The following NAA20 variants were observed in gnomAD, a reference collection of about 807,000 sequenced individuals.
NAA20 encodes the protein N-alpha-acetyltransferase 20, NatB catalytic subunit.
Under a neutral mutation model 23.8 loss-of-function variants are expected in NAA20, and 24 were observed. The ratio of observed to expected loss-of-function variants is 1.01; its 90% confidence interval spans 0.73 to 1.42. The LOEUF (loss-of-function observed/expected upper bound fraction) is 1.42, where lower values mean the gene tolerates loss of function less well. Ranked by LOEUF, NAA20 falls within the 40% of genes most tolerant of loss-of-function variation. The pLI is 0.00. For synonymous variants in NAA20, 83 were observed against 77.7 expected (o/e 1.07, Z -0.36); for missense variants, 166 against 223.1 (o/e 0.74, Z 1.63).
intron 1 of NAA20, chr20:20,018,484 G>C (rs1601122067): frequency 5.6e-6 from 1 of 177,462 alleles, no homozygotes; most frequent in East Asian, 1.4e-4. Flanking sequence ...ACATTTCAAA[G>C]AGGGGGTGAG....
At chr20:20,022,744 G>A in intron 2 of NAA20, 1 of 372,742 alleles carries the variant, frequency 2.7e-6, no homozygotes, top group Non-Finnish European at 4.8e-6. Context: ...TCAGGAGTCA[G>A]CATGGCTGTA....
chr20:20,022,760 C>T (rs1405384054), intron 2 of NAA20: 4 of 326,936 alleles, frequency 1.2e-5, no homozygotes, highest in African/African-American at 2.2e-5. Context: ...CTGTATTCAC[C>T]AGAAAGCACA....
At position 20,017,843 on chromosome 20, in the gene NAA20, T is replaced by TGGCCG. The variant is rs1382646365; in HGVS notation, c.53+400_53+404dup. ...CCCTGCCCTACTGCTTGCTGGTTCG[T>TGGCCG]GGCCGGGCCGCGCCTCTTCTGGGCA... On this transcript the variant is annotated intron_variant, in intron 1 of 5. Coordinates refer to ENST00000334982, the MANE Select transcript of NAA20 (RefSeq NM_016100.5). 1.3e-5 allele frequency: 20 copies of TGGCCG among 1,524,924 alleles called. No individual in the cohort carries two copies. The East Asian group carries it at 3.7e-4, about 28-fold the overall frequency. 94.5% of individuals were successfully genotyped at this position (1,524,924 alleles called of 1,614,324 possible). A position where few individuals can be genotyped will look rare whatever the true frequency, so the allele number is the denominator to read the frequency against.
intron 2 of NAA20, among the ~76,000 whole-genome samples, chr20:20,023,501 A>G (rs2043286100): frequency 6.8e-6 from 1 of 147,222 alleles, no homozygotes; most frequent in African/African-American, 2.7e-5. Context: ...AACAGTGTCT[A>G]TTATTGTCCT....
At chr20:20,017,740 C>T (rs1253291508) in intron 1 of NAA20, 3 of 1,431,758 alleles carry the variant, frequency 2.1e-6, no homozygotes, top group East Asian at 2.5e-5. Context: ...GGCCTCCGCT[C>T]GTGGTCGCTG....
chr20:20,017,467 AG>A lies in NAA20; in HGVS notation c.53+21del. On this transcript the variant is annotated intron_variant, in intron 1 of 5. Coordinates refer to ENST00000334982, the MANE Select transcript of NAA20 (RefSeq NM_016100.5). ...AACAACATGTGAGTGACACGCGCCT[AG>A]GGCCAGCCGCTCTTGGCCGGGCCTC... 1 of 1,602,134 alleles carries A rather than the reference AG, an allele frequency of 6.2e-7. No homozygotes were observed.
rs1261543273 is a variant in NAA20, at chr20:20,033,654, T to A, written c.*467T>A. 1 of 152,702 alleles carries A rather than the reference T, an allele frequency of 6.5e-6. No homozygotes were observed. The highest frequency in any genetic ancestry group is 2.4e-5 in the African/African-American group (1 of 41,422). The allele number at this position is 152,702 out of a possible 1,614,324, so 9.5% of individuals were successfully genotyped here. On this transcript the variant is annotated 3_prime_UTR_variant, in exon 6 of 6. Transcript: ENST00000334982. ...ATGTTTTCTGAAGTTTGTTAGTCAT[T>A]TGTAAAACTAAATCAGATTGTAATC...
intron 3 of NAA20, among the ~76,000 whole-genome samples, chr20:20,026,156 T>C (rs1444974202): frequency 6.6e-6 from 1 of 152,034 alleles, no homozygotes; most frequent in African/African-American, 2.4e-5. Context: ...ATACAAAAAA[T>C]TAGCTGGGCG....
At chr20:20,028,384 G>A (rs2043320697) in intron 4 of NAA20, among the ~76,000 whole-genome samples, 1 of 152,092 alleles carries the variant, frequency 6.6e-6, no homozygotes, top group African/African-American at 2.4e-5. Context: ...AATACCTAAT[G>A]TAGATGACGA....
chr20:20,022,647 G>C (rs897699913), intron 2 of NAA20, 167 bp downstream of exon 2: 32 of 564,254 alleles, frequency 5.7e-5, no homozygotes, highest in Non-Finnish European at 8.7e-5. Context: ...CTGAGAACAA[G>C]AGTTGTCTTA....
intron 1 of NAA20, among the ~76,000 whole-genome samples, chr20:20,021,113 A>G (rs1377795413): frequency 6.7e-6 from 1 of 149,662 alleles, no homozygotes; most frequent in Non-Finnish European, 1.5e-5. Context: ...AGCCCCTGAG[A>G]TGGCGGGGCT....
chr20:20,017,585 G>T, intron 1 of NAA20, 136 bp downstream of exon 1: 1 of 1,332,308 alleles, frequency 7.5e-7, no homozygotes, highest in Non-Finnish European at 9.9e-7. Flanking sequence ...CCCCCCGCCG[G>T]CCAACGTGGG....
In NAA20 at chr20:20,033,358, A is replaced by G. The variant is rs953773801; in HGVS notation, c.*171A>G. The G allele has an allele frequency of 3.1e-5, 18 of 576,108 alleles. No individual in the cohort carries two copies. The South Asian group carries it at 4.0e-4, about 13-fold the overall frequency. 35.7% of individuals were successfully genotyped at this position (576,108 alleles called of 1,614,324 possible). On this transcript the variant is annotated 3_prime_UTR_variant, in exon 6 of 6. Coordinates refer to ENST00000334982, the MANE Select transcript of NAA20 (RefSeq NM_016100.5). ...TAAATCTCATTGTTTCCAGTTAGCA[A>G]TATCATACCTATTAAAGCTGTTCAT...
At chr20:20,017,923 G>C (rs2043242676) in intron 1 of NAA20, 3 of 1,609,614 alleles carry the variant, frequency 1.9e-6, no homozygotes, top group Non-Finnish European at 2.5e-6. Context: ...TCGGAAGCTG[G>C]TCAGCAGCTG....
Position 20,025,665 on chromosome 20 carries a change from A to C in NAA20, c.79-12A>C. The C allele has an allele frequency of 6.3e-7, 1 of 1,592,974 alleles. No individual in the cohort carries two copies. The highest frequency in any genetic ancestry group is 1.1e-5 in the South Asian group (1 of 90,586). ...TGTCCATTACTTTTCACACTCCTTA[A>C]CAGGACTCTAGTATGGGATTCCTTT... On this transcript the variant is annotated splice_polypyrimidine_tract_variant and intron_variant, in intron 2 of 5. Coordinates refer to ENST00000334982, the MANE Select transcript of NAA20 (RefSeq NM_016100.5).
At chr20:20,031,897 C>T (rs992742496) in intron 4 of NAA20, among the ~76,000 whole-genome samples, 5 of 152,188 alleles carry the variant, frequency 3.3e-5, no homozygotes, top group Non-Finnish European at 7.3e-5. Flanking sequence ...TGGAGGCTTA[C>T]TCACTTCTGT....
In NAA20 at chr20:20,033,500, G is replaced by A. The variant is rs939677012; in HGVS notation, c.*313G>A. ...AAGACTTGCTCCAGTCTCCTCCTCA[G>A]TTCTGTGCCTGAGAACCACTGCTGC... On this transcript the variant is annotated 3_prime_UTR_variant, in exon 6 of 6. Coordinates refer to ENST00000334982, the MANE Select transcript of NAA20 (RefSeq NM_016100.5). 8.5e-6 allele frequency: 2 copies of A among 235,944 alleles called. No homozygotes were observed. Among genetic ancestry groups the A allele is most frequent in the African/African-American group, 4.5e-5 (2 of 44,640 alleles). 14.6% of individuals were successfully genotyped at this position (235,944 alleles called of 1,614,324 possible).
chr20:20,032,790 C>T (rs1475152141), intron 5 of NAA20, 137 bp downstream of exon 5: 5 of 1,149,708 alleles, frequency 4.3e-6, no homozygotes, highest in Middle Eastern at 2.6e-4. Context: ...CTACCTTTAT[C>T]AACCTATTAG....
At chr20:20,032,095 G>C (rs2043347620) in intron 4 of NAA20, among the ~76,000 whole-genome samples, 3 of 148,946 alleles carry the variant, frequency 2.0e-5, no homozygotes, top group African/African-American at 7.8e-5. Context: ...TGAATGACTT[G>C]TGCACAAGCC....
Sources: gnomAD v4.1 joint callset for allele counts (sites outside exome capture counted in the v4.1 genomes callset) on GRCh38, gnomAD v4.1.1 for gene constraint, MANE v1.5 for transcripts, NCBI Gene and HGNC (gene_info 2026-07-23, HGNC 2026-07-21) for gene names.